CPNE4: variants seen among roughly 807,000 people sequenced by gnomAD.
The protein encoded by CPNE4 is copine 4, also known as copine-4.
In CPNE4, 25 loss-of-function variants were observed where a neutral mutation model predicts 67.9. That is an observed-to-expected ratio of 0.37 (90% CI 0.27 to 0.51). The LOEUF (loss-of-function observed/expected upper bound fraction) is 0.51, where lower values mean the gene tolerates loss of function less well. Ranked by LOEUF, CPNE4 falls within the 20% of genes least tolerant of loss-of-function variation. CPNE4 has a pLI of 0.93. For synonymous variants in CPNE4, 242 were observed against 244.9 expected, an observed-to-expected ratio of 0.99 and a Z score of 0.11; for missense variants, 464 against 690.8, an observed-to-expected ratio of 0.67 and a Z score of 3.68.
At chr3:131,765,414 A>G (rs2082986721) in intron 2 of CPNE4, among the ~76,000 whole-genome samples, 1 of 152,120 alleles carries the variant, frequency 6.6e-6, no homozygotes, top group South Asian at 2.1e-4. Context: ...GGCGTTGCTT[A>G]TCAAGAATTG....
intron 1 of CPNE4, among the ~76,000 whole-genome samples, chr3:132,002,622 G>A (rs559296464): frequency 6.6e-6 from 1 of 152,258 alleles, no homozygotes; most frequent in East Asian, 1.9e-4. Context: ...GGATTTATGT[G>A]AGGAGGCGTG....
At chr3:131,544,038 C>G (rs1935674723) in intron 14 of CPNE4, among the ~76,000 whole-genome samples, 1 of 152,086 alleles carries the variant, frequency 6.6e-6, no homozygotes, top group Non-Finnish European at 1.5e-5. Context: ...GAAGGATGAC[C>G]CATTGGAGGT....
chr3:131,716,157 C>G (rs774881977), intron 3 of CPNE4, among the ~76,000 whole-genome samples: 3 of 152,080 alleles, frequency 2.0e-5, no homozygotes, highest in Non-Finnish European at 4.4e-5. Flanking sequence ...TTTTCCTTTC[C>G]TAAAGGCCAG....
intron 2 of CPNE4, among the ~76,000 whole-genome samples, chr3:131,745,132 G>A (rs150542604): frequency 3.9e-5 from 6 of 152,192 alleles, no homozygotes; most frequent in Non-Finnish European, 7.4e-5. Context: ...ATTCTAACAG[G>A]TATGTAATAG....
chr3:131,780,570 G>A (rs541119408), intron 2 of CPNE4, among the ~76,000 whole-genome samples: 1 of 152,172 alleles, frequency 6.6e-6, no homozygotes, highest in South Asian at 2.1e-4. Flanking sequence ...GCAAATTAAT[G>A]CAGGAACAGA....
intron 2 of CPNE4, among the ~76,000 whole-genome samples, chr3:131,735,797 TATTAA>T (rs1206524532): frequency 3.2e-4 from 49 of 152,362 alleles, no homozygotes; most frequent in African/African-American, 9.1e-4. Context: ...TTTTTTATTA[TATTAA>T]ATTAATAAAC....
intron 1 of CPNE4, among the ~76,000 whole-genome samples, chr3:131,983,579 T>C (rs1560734554): frequency 6.6e-6 from 1 of 152,174 alleles, no homozygotes; most frequent in East Asian, 1.9e-4. Context: ...ATACTTTGTA[T>C]AAGGGTATAA....
chr3:131,630,279 CT>C (rs765213976), intron 7 of CPNE4, among the ~76,000 whole-genome samples: 1 of 152,124 alleles, frequency 6.6e-6, no homozygotes, highest in Non-Finnish European at 1.5e-5. Flanking sequence ...ACTTATTTTA[CT>C]TAATCATAGC....
chr3:132,018,065 G>T (rs1172846322), intron 1 of CPNE4, among the ~76,000 whole-genome samples: 1 of 152,162 alleles, frequency 6.6e-6, no homozygotes, highest in Non-Finnish European at 1.5e-5. Flanking sequence ...ACAACTCTTT[G>T]TGGCAATCCT....
chr3:131,851,886 C>A (rs2086255337), intron 2 of CPNE4, among the ~76,000 whole-genome samples: 1 of 151,936 alleles, frequency 6.6e-6, no homozygotes, highest in Admixed American at 6.6e-5. Context: ...GATTTCCTGG[C>A]AGCAAAAGAT....
intron 7 of CPNE4, among the ~76,000 whole-genome samples, chr3:131,642,389 G>A (rs1246459983): frequency 6.6e-6 from 1 of 152,148 alleles, no homozygotes; most frequent in African/African-American, 2.4e-5. Flanking sequence ...GCCAGGCCCT[G>A]CAGAGCCCTA....
At chr3:132,000,834 A>G (rs1460162481) in intron 1 of CPNE4, among the ~76,000 whole-genome samples, 1 of 149,130 alleles carries the variant, frequency 6.7e-6, no homozygotes, top group Admixed American at 6.9e-5. Context: ...CAATGGAGTG[A>G]GACCATGTTT....
chr3:131,799,922 TGTGTG>T (rs1560339476), intron 2 of CPNE4, among the ~76,000 whole-genome samples: 5 of 2,452 alleles, frequency 2.0e-3, no homozygotes, highest in Non-Finnish European at 7.4e-3. Flanking sequence ...GTGTGTGTTG[TGTGTG>T]TGTGTGTGTG....
At chr3:131,840,541 A>G (rs890369307) in intron 2 of CPNE4, among the ~76,000 whole-genome samples, 3 of 152,200 alleles carry the variant, frequency 2.0e-5, no homozygotes, top group Non-Finnish European at 2.9e-5. Context: ...TATTTGTGTT[A>G]GTGCTGCAGT....
chr3:131,868,442 G>A (rs1220101729), intron 2 of CPNE4, among the ~76,000 whole-genome samples: 3 of 152,162 alleles, frequency 2.0e-5, no homozygotes, highest in African/African-American at 4.8e-5. Context: ...GGAGAATGGC[G>A]AAGCAAAAGG....
chr3:131,538,518 C>A (rs1191208297), intron 15 of CPNE4, among the ~76,000 whole-genome samples: 1 of 152,126 alleles, frequency 6.6e-6, no homozygotes, highest in Non-Finnish European at 1.5e-5. Flanking sequence ...ATGGACCAGG[C>A]ACTATCTTAA....
chr3:131,633,574 T>A (rs979648650), intron 7 of CPNE4, among the ~76,000 whole-genome samples: 1 of 150,176 alleles, frequency 6.7e-6, no homozygotes, highest in Non-Finnish European at 1.5e-5. Context: ...AAGTAACTCA[T>A]AAGTGAAGAC....
chr3:131,805,629 G>A (rs1287687322), intron 2 of CPNE4, among the ~76,000 whole-genome samples: 2 of 152,160 alleles, frequency 1.3e-5, no homozygotes, highest in Admixed American at 1.3e-4. Context: ...TCTGCTGGGT[G>A]ATGCCGGCTG....
chr3:131,847,264 G>A (rs183223214), intron 2 of CPNE4, among the ~76,000 whole-genome samples: 2 of 152,088 alleles, frequency 1.3e-5, no homozygotes, highest in African/African-American at 4.8e-5. Flanking sequence ...TGCCCACTAA[G>A]TATCAGCTTT....
Sources: allele counts gnomAD v4.1 joint callset (sites outside exome capture counted in the v4.1 genomes callset), GRCh38; gene constraint gnomAD v4.1.1; transcripts MANE v1.5; gene names NCBI Gene and HGNC (gene_info 2026-07-23, HGNC 2026-07-21).